Variants in IL1RAP observed in about 807,000 individuals in gnomAD.
The protein encoded by IL1RAP is interleukin 1 receptor accessory protein, also known as interleukin-1 receptor accessory protein.
A neutral mutation model predicts 60.7 loss-of-function variants in IL1RAP; 35 were observed. That is an observed-to-expected ratio of 0.58 (90% CI 0.44 to 0.76). The LOEUF is 0.76. IL1RAP is among the 30% of genes least tolerant of loss of function. IL1RAP has a pLI of 0.00. For synonymous variants in IL1RAP, 268 were observed against 250.9 expected (o/e 1.07, Z -0.64); for missense variants, 572 against 693.9 (o/e 0.82, Z 1.97).
At chr3:190,539,729 TAAATA>T (rs1325477374) in intron 1 of IL1RAP, among the ~76,000 whole-genome samples, 1 of 151,198 alleles carries the variant, frequency 6.6e-6, no homozygotes, top group Non-Finnish European at 1.5e-5. Flanking sequence ...TATATAATTA[TAAATA>T]AAATAAAATG....
intron 1 of IL1RAP, among the ~76,000 whole-genome samples, chr3:190,533,108 T>G (rs1268907809): frequency 6.6e-6 from 1 of 152,192 alleles, no homozygotes; most frequent in Non-Finnish European, 1.5e-5. Flanking sequence ...AACTGCTGTA[T>G]TGAATGCCCA....
chr3:190,539,447 T>C (rs951335659), intron 1 of IL1RAP, among the ~76,000 whole-genome samples: 2 of 152,114 alleles, frequency 1.3e-5, no homozygotes, highest in South Asian at 2.1e-4. Flanking sequence ...TATATTCAGA[T>C]TTGTTCTCCA....
intron 9 of IL1RAP, among the ~76,000 whole-genome samples, chr3:190,637,183 G>T (rs886571048): frequency 1.3e-5 from 2 of 152,042 alleles, no homozygotes; most frequent in African/African-American, 2.4e-5. Context: ...ATTAAGTTAA[G>T]AACTGATCTT....
At chr3:190,552,888 G>GA (rs1252211438) in intron 1 of IL1RAP, among the ~76,000 whole-genome samples, 1 of 152,122 alleles carries the variant, frequency 6.6e-6, no homozygotes, top group Non-Finnish European at 1.5e-5. Flanking sequence ...CTATAACTTG[G>GA]ATATCCACTT....
At chr3:190,609,380 G>A (rs937685249) in intron 5 of IL1RAP, among the ~76,000 whole-genome samples, 199 bp downstream of exon 5, 1 of 152,046 alleles carries the variant, frequency 6.6e-6, no homozygotes, top group Non-Finnish European at 1.5e-5. Flanking sequence ...TTTGTCTCAG[G>A]CCACTATTTC....
rs1225134184 is a variant in IL1RAP, at chr3:190,604,237, C to T, written c.174C>T (p.Tyr58=). 1 of 1,613,970 alleles carries T rather than the reference C, an allele frequency of 6.2e-7. No homozygotes were observed. Among genetic ancestry groups the T allele is most frequent in the Non-Finnish European group, 8.5e-7 (1 of 1,180,002 alleles). The change falls in exon 4 of 12, where the codon TAC becomes TAT. Residue 58 remains tyrosine (Y), a synonymous_variant. Coordinates refer to ENST00000447382, the MANE Select transcript of IL1RAP (RefSeq NM_002182.4). ...PLFEHFLKFN[Y]STAHSAGLTL... ...TTGAACACTTCTTGAAATTCAACTA[C>T]AGCACAGCCCATTCAGCTGGCCTTA... is the stretch of plus-strand genomic sequence containing the variant.
At chr3:190,602,866 A>G (rs1398957578) in intron 3 of IL1RAP, among the ~76,000 whole-genome samples, 1 of 152,182 alleles carries the variant, frequency 6.6e-6, no homozygotes, top group Non-Finnish European at 1.5e-5. Context: ...CATGAGGAAA[A>G]AACTACTTTA....
chr3:190,545,279 C>T (rs1724271639), intron 1 of IL1RAP, among the ~76,000 whole-genome samples: 1 of 152,152 alleles, frequency 6.6e-6, no homozygotes. Flanking sequence ...ATATCTGCCA[C>T]CCTAGGCTTT....
intron 1 of IL1RAP, among the ~76,000 whole-genome samples, chr3:190,525,420 G>C (rs994269582): frequency 9.8e-5 from 15 of 152,320 alleles, no homozygotes; most frequent in Non-Finnish European, 1.5e-4. Flanking sequence ...TTCTAAGATA[G>C]GCAAGGCCTA....
chr3:190,573,080 G>T (rs1439125247), intron 3 of IL1RAP, among the ~76,000 whole-genome samples: 4 of 52,432 alleles, frequency 7.6e-5, no homozygotes, highest in Non-Finnish European at 1.4e-4. Flanking sequence ...AGCCGGGATG[G>T]TCTCGATCTC....
chr3:190,630,748 A>G (rs1732718325), intron 9 of IL1RAP, among the ~76,000 whole-genome samples: 1 of 152,154 alleles, frequency 6.6e-6, no homozygotes. Flanking sequence ...AAGAATCAGT[A>G]TTGTCCTGCA....
exon 12 of IL1RAP, chr3:190,656,629 G>A: frequency 7.2e-7 from 1 of 1,388,744 alleles, no homozygotes; most frequent in Non-Finnish European, 9.7e-7. Context: ...GGTGGGTGGT[G>A]GCTACTATCT....
intron 3 of IL1RAP, among the ~76,000 whole-genome samples, chr3:190,581,340 T>A (rs4600800): frequency 0.019 from 2,858 of 152,192 alleles, 86 homozygotes; most frequent in African/African-American, 0.064. Context: ...GAATCTAAAG[T>A]TTTCTGTAAC....
At chr3:190,577,724 G>T (rs892009638) in intron 3 of IL1RAP, among the ~76,000 whole-genome samples, 3 of 151,976 alleles carry the variant, frequency 2.0e-5, no homozygotes, top group Non-Finnish European at 4.4e-5. Flanking sequence ...TGGAGATGGG[G>T]TCTCGCTATG....
intron 3 of IL1RAP, among the ~76,000 whole-genome samples, chr3:190,593,810 C>T (rs1362968585): frequency 6.6e-6 from 1 of 152,054 alleles, no homozygotes; most frequent in Non-Finnish European, 1.5e-5. Context: ...CACAGTCAAA[C>T]CATATCAAAT....
At position 190,604,259 on chromosome 3, in the gene IL1RAP, C is replaced by T. The variant is rs1266189287; in HGVS notation, c.196C>T (p.Leu66Phe). The part of the protein sequence containing the change: ...FNYSTAHSAG[L>F]TLIWYWTRQD... Reference sequence around the variant, plus strand: ...CTACAGCACAGCCCATTCAGCTGGCCTTACTCTGATCTGGTATTGGACTAG... The same window carrying T: ...CTACAGCACAGCCCATTCAGCTGGCTTTACTCTGATCTGGTATTGGACTAG... Residue 66 changes from leucine (L) to phenylalanine (F), a missense_variant, in exon 4 of 12, where the codon CTT becomes TTT. Physicochemically the swap from Leu to Phe is conservative, Grantham distance 22 (BLOSUM62 0). Coordinates refer to ENST00000447382, the MANE Select transcript of IL1RAP (RefSeq NM_002182.4). The T allele has an allele frequency of 5.6e-6, 9 of 1,614,090 alleles. No individual in the cohort carries two copies. Among genetic ancestry groups the T allele is most frequent in the South Asian group, 1.1e-5 (1 of 91,076 alleles).
chr3:190,583,731 G>A (rs968366807), intron 3 of IL1RAP, among the ~76,000 whole-genome samples: 16 of 152,158 alleles, frequency 1.1e-4, no homozygotes, highest in African/African-American at 3.6e-4. Flanking sequence ...TTCAATTTAG[G>A]CCTTAAAAAA....
At chr3:190,639,871 G>C (rs1733526111) in intron 9 of IL1RAP, among the ~76,000 whole-genome samples, 1 of 152,154 alleles carries the variant, frequency 6.6e-6, no homozygotes, top group Non-Finnish European at 1.5e-5. Flanking sequence ...CATACCTGAA[G>C]TCTCTAATTA....
In IL1RAP at chr3:190,522,435, C is replaced by G. The variant is rs143273495; in HGVS notation, c.-89+8216C>G. Among the ~76,000 whole-genome samples, 1,174 of 148,344 alleles carry G rather than the reference C, an allele frequency of 7.9e-3. 19 individuals are homozygous for G. The highest frequency in any genetic ancestry group is 0.034 in the Middle Eastern group (10 of 294). Reference sequence around the variant, plus strand: ...TGTATCTATGTATCTATCTATCTATCTATCTATCTATCTATCTATCTATCT... The same window carrying G: ...TGTATCTATGTATCTATCTATCTATGTATCTATCTATCTATCTATCTATCT... On this transcript the variant is annotated intron_variant, in intron 1 of 11. Coordinates refer to ENST00000447382, the MANE Select transcript of IL1RAP (RefSeq NM_002182.4).
Sources: allele counts gnomAD v4.1 joint callset (sites outside exome capture counted in the v4.1 genomes callset), GRCh38; gene constraint gnomAD v4.1.1; transcripts MANE v1.5; gene names NCBI Gene and HGNC (gene_info 2026-07-23, HGNC 2026-07-21).